TKTL1: variants seen among roughly 807,000 people sequenced by gnomAD.
TKTL1 encodes the protein transketolase like 1.
TKTL1 carries 1 observed loss-of-function variant against 39.3 expected under a neutral mutation model. That is an observed-to-expected ratio of 0.03 (90% CI 0.01 to 0.12). The LOEUF is 0.12. TKTL1 is among the 10% of genes least tolerant of loss of function. The pLI, the probability that TKTL1 is intolerant of heterozygous loss-of-function variation, is 1.00. For synonymous variants in TKTL1, 262 were observed against 193.8 expected (o/e 1.35, Z -2.92); for missense variants, 575 against 509.6 (o/e 1.13, Z -1.24).
chrX:154,328,933 C>T (rs892216717), intron 12 of TKTL1, among the ~76,000 whole-genome samples: 2 of 112,468 alleles, frequency 1.8e-5, no homozygotes, highest in Non-Finnish European at 3.8e-5. Flanking sequence ...CCACAAGGGG[C>T]ATACTGAGAA....
At chrX:154,322,698 G>C (rs73629174) in intron 8 of TKTL1, among the ~76,000 whole-genome samples, 2,876 of 111,204 alleles carry the variant, frequency 0.026, 96 homozygotes, top group African/African-American at 0.087. Context: ...GAGAAACTAC[G>C]TTCCCAGATA....
At chrX:154,312,982 G>T (rs970894015) in intron 6 of TKTL1, among the ~76,000 whole-genome samples, 7 of 111,965 alleles carry the variant, frequency 6.3e-5, no homozygotes, top group African/African-American at 2.0e-4. Context: ...GTGCAGCTGT[G>T]TCACGTGGAT....
chrX:154,325,444 C>T (rs372785538), intron 10 of TKTL1, 22 bp downstream of exon 10: 25 of 1,154,883 alleles, frequency 2.2e-5, no homozygotes, highest in African/African-American at 5.4e-5. Context: ...CGCGCTCCTG[C>T]GTTATTCAGT....
intron 8 of TKTL1, among the ~76,000 whole-genome samples, chrX:154,322,104 C>T (rs1038429443): frequency 2.8e-5 from 3 of 108,701 alleles, no homozygotes; most frequent in African/African-American, 6.7e-5. Context: ...TGTGGTGGCA[C>T]GCACCTGTAT....
At chrX:154,297,127 AAAAT>A (rs1379993857) in intron 1 of TKTL1, among the ~76,000 whole-genome samples, 3 of 112,335 alleles carry the variant, frequency 2.7e-5, no homozygotes, top group Admixed American at 1.9e-4. Flanking sequence ...TGTCTCTAAA[AAAAT>A]AAAGTAAAAG....
At chrX:154,301,564 A>G (rs1434010776) in intron 1 of TKTL1, among the ~76,000 whole-genome samples, 1 of 112,281 alleles carries the variant, frequency 8.9e-6, no homozygotes, top group Non-Finnish European at 1.9e-5. Context: ...CTAGATAGTA[A>G]GAGGACAGTG....
rs782375735 is a variant in TKTL1 at position 154,295,857 on chromosome X, C to T, written c.-3C>T. On this transcript the variant is annotated 5_prime_UTR_variant, in exon 1 of 13. Coordinates refer to ENST00000369915, the MANE Select transcript of TKTL1 (RefSeq NM_012253.4). ...GTCTTCAGACTCCAAAGGGGTTGGA[C>T]TAATGGCGGATGCTGAGGCGAGGGC... is the stretch of plus-strand genomic sequence containing the variant. 4.1e-6 allele frequency: 5 copies of T among 1,210,602 alleles called. No homozygotes were observed. In the East Asian group the frequency reaches 1.5e-4, roughly 36 times the overall value.
chrX:154,304,901 C>G, intron 1 of TKTL1: 1 of 693,363 alleles, frequency 1.4e-6, no homozygotes, highest in South Asian at 2.4e-5. Flanking sequence ...CTCAGTCTGT[C>G]ACCGTTCACT....
intron 1 of TKTL1, among the ~76,000 whole-genome samples, chrX:154,304,475 A>C (rs2067299457): frequency 9.1e-6 from 1 of 109,615 alleles, no homozygotes; most frequent in Non-Finnish European, 1.9e-5. Context: ...TCATGCCTGT[A>C]ATCCCAGCAC....
chrX:154,309,118 C>G (rs2067336322), intron 2 of TKTL1, among the ~76,000 whole-genome samples: 1 of 111,192 alleles, frequency 9.0e-6, no homozygotes, highest in South Asian at 3.8e-4. Flanking sequence ...GAGTTTCCAG[C>G]CCAGGCTGAG....
chrX:154,312,440 G>A (rs967134876), intron 5 of TKTL1, 140 bp from the exon 6 acceptor site: 10 of 567,663 alleles, frequency 1.8e-5, no homozygotes, highest in Middle Eastern at 5.1e-4. Context: ...CTGCAGCAGC[G>A]TCCCAGGCCC....
rs1024776423 is a variant in TKTL1 at position 154,298,098 on chromosome X, T to A, written c.134+2105T>A. ...TAAGTTTTGTGAGGCTTTCTGTTTC[T>A]AGGAATTTATCCATTTCTTGTAGGT... On this transcript the variant is annotated intron_variant, in intron 1 of 12. Transcript: ENST00000369915. 3.6e-5 allele frequency among the ~76,000 whole-genome samples: 4 copies of A among 112,002 alleles called. No individual in the cohort carries two copies. The East Asian group carries it at 1.1e-3, about 31-fold the overall frequency.
At chrX:154,309,585 A>G (rs1390814590) in intron 3 of TKTL1, 143 bp downstream of exon 3, 4 of 509,911 alleles carry the variant, frequency 7.8e-6, no homozygotes, top group Non-Finnish European at 1.3e-5. Context: ...CCCCTCTGGA[A>G]GGCCTTCCCT....
At chrX:154,298,170 T>C (rs1270866067) in intron 1 of TKTL1, among the ~76,000 whole-genome samples, 2 of 111,578 alleles carry the variant, frequency 1.8e-5, no homozygotes, top group African/African-American at 6.5e-5. Flanking sequence ...CTGTCACTCT[T>C]TTTATTTCTG....
intron 6 of TKTL1, among the ~76,000 whole-genome samples, chrX:154,313,775 T>C (rs943043101): frequency 5.5e-5 from 6 of 109,500 alleles, no homozygotes; most frequent in Non-Finnish European, 9.5e-5. Context: ...CATCTCTACA[T>C]AGAATTTAAA....
intron 10 of TKTL1, 186 bp from the exon 11 acceptor site, chrX:154,327,405 C>T (rs375064388): frequency 5.7e-5 from 32 of 562,971 alleles, no homozygotes; most frequent in Non-Finnish European, 9.1e-5. Flanking sequence ...ACAGCTGGAG[C>T]AGTGTAATTT....
chrX:154,298,924 G>T (rs1421949803), intron 1 of TKTL1, among the ~76,000 whole-genome samples: 1 of 109,588 alleles, frequency 9.1e-6, no homozygotes, highest in African/African-American at 3.3e-5. Context: ...TGGCCAGGTT[G>T]GTTTCAGACC....
intron 1 of TKTL1, among the ~76,000 whole-genome samples, chrX:154,302,647 A>G (rs1188042267): frequency 2.7e-5 from 3 of 111,908 alleles, no homozygotes; most frequent in Non-Finnish European, 5.6e-5. Context: ...CTGGGGGGAC[A>G]CATTCAGTCC....
intron 1 of TKTL1, among the ~76,000 whole-genome samples, chrX:154,299,215 G>A (rs1314559891): frequency 5.2e-5 from 5 of 95,649 alleles, no homozygotes; most frequent in African/African-American, 1.2e-4. Context: ...GAGTGCAGTG[G>A]CACAATCTAG....
Sources: gnomAD v4.1 joint callset for allele counts (sites outside exome capture counted in the v4.1 genomes callset) on GRCh38, gnomAD v4.1.1 for gene constraint, MANE v1.5 for transcripts, NCBI Gene and HGNC (gene_info 2026-07-23, HGNC 2026-07-21) for gene names.